Variants in SLC39A11 observed in about 807,000 individuals in gnomAD.
SLC39A11 encodes zinc transporter ZIP11.
In SLC39A11, 33 loss-of-function variants were observed where a neutral mutation model predicts 36.1. The observed-to-expected ratio is 0.91, with a 90% CI of 0.69 to 1.22. SLC39A11 has a LOEUF of 1.22. SLC39A11 is among the 50% of genes most tolerant of loss of function. The pLI, the probability that SLC39A11 is intolerant of heterozygous loss-of-function variation, is 0.00. For missense variants in SLC39A11, 432 were observed against 430.3 expected, an observed-to-expected ratio of 1.00 and a Z score of -0.03; for synonymous variants, 166 against 170.3, an observed-to-expected ratio of 0.97 and a Z score of 0.20.
intron 4 of SLC39A11, among the ~76,000 whole-genome samples, chr17:72,985,407 CTTTTTT>C (rs386386576): frequency 2.5e-5 from 2 of 78,932 alleles, no homozygotes; most frequent in South Asian, 5.9e-4. Flanking sequence ...TGGGGCCTGC[CTTTTTT>C]TTTTTTTTTT....
At chr17:72,813,923 G>A (rs777500335) in intron 6 of SLC39A11, among the ~76,000 whole-genome samples, 7 of 152,172 alleles carry the variant, frequency 4.6e-5, no homozygotes, top group Non-Finnish European at 7.3e-5. Context: ...CACTGACAGC[G>A]CTACTCACTG....
At chr17:73,007,676 A>T (rs2090259949) in intron 4 of SLC39A11, among the ~76,000 whole-genome samples, 1 of 151,990 alleles carries the variant, frequency 6.6e-6, no homozygotes, top group South Asian at 2.1e-4. Flanking sequence ...CAAGCTAAGG[A>T]GGGAGGGAAG....
chr17:72,671,981 T>C (rs1019084516), intron 7 of SLC39A11, among the ~76,000 whole-genome samples: 5 of 152,334 alleles, frequency 3.3e-5, no homozygotes, highest in Middle Eastern at 3.4e-3. Context: ...CAATACTGTA[T>C]TGTAAACTTG....
At position 73,088,736 on chromosome 17, in the gene SLC39A11, T is replaced by G; in HGVS notation, c.29A>C (p.Gln10Pro). The G allele has an allele frequency of 6.2e-7, 1 of 1,610,446 alleles. No homozygotes were observed. Among genetic ancestry groups the G allele is most frequent in the Non-Finnish European group, 8.5e-7 (1 of 1,178,364 alleles). Residue 10 changes from glutamine to proline, a missense_variant, in exon 2 of 10, where the codon CAG (glutamine) becomes CCG (proline). By Grantham distance (76) the Gln-to-Pro change is moderately conservative. Transcript: ENST00000255559. ...GGTGAAGAAGGTCCCCAGCAAGGCC[T>G]GGAACACAGAGCTGTGGCCTTGGAG... MLQGHSSVFQALLGTFFTWG... is the reference protein window; with the variant it reads MLQGHSSVFPALLGTFFTWG...
rs938337519 is a variant in SLC39A11 at position 73,026,753 on chromosome 17, G to C, written c.306+4803C>G. Among the ~76,000 whole-genome samples the C allele has an allele frequency of 6.7e-4, 101 of 151,826 alleles. 1 individual carries two copies. Among genetic ancestry groups the C allele is most frequent in the African/African-American group, 2.2e-3 (93 of 41,416 alleles). On this transcript the variant is annotated intron_variant, in intron 4 of 9. Coordinates refer to ENST00000255559, the MANE Select transcript of SLC39A11 (RefSeq NM_139177.4). Reference sequence around the variant, plus strand: ...CTAAAAATAAAGAATTGACCTTGGGGACACACACACACTACCCTCCTCCCC... The same window carrying C: ...CTAAAAATAAAGAATTGACCTTGGGCACACACACACACTACCCTCCTCCCC...
chr17:72,686,715 T>C (rs993122047), intron 7 of SLC39A11, among the ~76,000 whole-genome samples: 3 of 152,308 alleles, frequency 2.0e-5, no homozygotes, highest in East Asian at 1.9e-4. Context: ...AGGGCATATG[T>C]TCAAGTTTAT....
In SLC39A11 at chr17:72,647,608, C is replaced by T. The variant is rs2069613648; in HGVS notation, c.984G>A (p.Met328Ile). ...WASILGFVVMMSLDVGLG is the reference protein window; with the variant it reads ...WASILGFVVMISLDVGLG The stretch of plus-strand genomic sequence containing the variant: ...CCTAGCCCAGGCCAACGTCCAGTGA[C>T]ATCATCACTACAAATCCCAGGATGG... Residue 328 changes from methionine (M) to isoleucine (I), a missense_variant, in exon 10 of 10, where the codon ATG becomes ATA. By Grantham distance (10) the Met-to-Ile change is conservative. Coordinates refer to ENST00000255559, the MANE Select transcript of SLC39A11 (RefSeq NM_139177.4). 4 of 1,614,020 alleles carry T rather than the reference C, an allele frequency of 2.5e-6. No individual in the cohort carries two copies. Among genetic ancestry groups the T allele is most frequent in the African/African-American group, 1.3e-5 (1 of 75,048 alleles).
intron 4 of SLC39A11, among the ~76,000 whole-genome samples, chr17:73,022,982 C>T (rs1466277961): frequency 6.6e-6 from 1 of 152,172 alleles, no homozygotes; most frequent in African/African-American, 2.4e-5. Flanking sequence ...GCTTTCTCAA[C>T]CCTCCCCAAG....
intron 3 of SLC39A11, among the ~76,000 whole-genome samples, chr17:73,071,783 G>T (rs1201584389): frequency 6.6e-6 from 1 of 152,192 alleles, no homozygotes; most frequent in Non-Finnish European, 1.5e-5. Context: ...GAATGGCTGT[G>T]TTCCAACAAA....
At chr17:72,981,643 T>G (rs2088320748) in intron 4 of SLC39A11, among the ~76,000 whole-genome samples, 1 of 150,744 alleles carries the variant, frequency 6.6e-6, no homozygotes, top group Non-Finnish European at 1.5e-5. Context: ...ATAGGTATTT[T>G]TAATCCTCTT....
intron 7 of SLC39A11, among the ~76,000 whole-genome samples, chr17:72,659,792 G>T (rs1354007072): frequency 6.6e-6 from 1 of 151,770 alleles, no homozygotes; most frequent in Non-Finnish European, 1.5e-5. Flanking sequence ...GTAGAGACAG[G>T]GTTTGACCAT....
intron 4 of SLC39A11, among the ~76,000 whole-genome samples, chr17:72,993,770 C>T (rs1358941207): frequency 6.6e-6 from 1 of 152,064 alleles, no homozygotes; most frequent in East Asian, 1.9e-4. Flanking sequence ...CTTCCTCCTC[C>T]CTCTCTTACT....
chr17:72,686,426 T>C (rs2071752640), intron 7 of SLC39A11, among the ~76,000 whole-genome samples: 1 of 152,232 alleles, frequency 6.6e-6, no homozygotes, highest in African/African-American at 2.4e-5. Context: ...ATCCCACTGC[T>C]GTCCCGCTCC....
At chr17:72,906,232 C>T (rs988370879) in intron 5 of SLC39A11, among the ~76,000 whole-genome samples, 3 of 152,218 alleles carry the variant, frequency 2.0e-5, no homozygotes, top group East Asian at 1.9e-4. Flanking sequence ...AAACTGGCTG[C>T]GGCCAGGTGA....
intron 6 of SLC39A11, among the ~76,000 whole-genome samples, chr17:72,748,356 C>T (rs1325982672): frequency 6.6e-6 from 1 of 152,034 alleles, no homozygotes; most frequent in Non-Finnish European, 1.5e-5. Context: ...AAGTCACATC[C>T]TATTGTTTAT....
intron 5 of SLC39A11, among the ~76,000 whole-genome samples, chr17:72,868,433 C>A (rs2080420282): frequency 6.6e-6 from 1 of 151,770 alleles, no homozygotes; most frequent in African/African-American, 2.4e-5. Context: ...AACATAGATG[C>A]CAACTGCTAG....
chr17:73,064,014 T>C (rs1418558985), intron 3 of SLC39A11, among the ~76,000 whole-genome samples: 1 of 152,150 alleles, frequency 6.6e-6, no homozygotes. Context: ...TCCAGGGCTG[T>C]CTTGGTTGAT....
intron 7 of SLC39A11, among the ~76,000 whole-genome samples, chr17:72,720,154 A>G (rs1266285565): frequency 6.6e-6 from 1 of 152,172 alleles, no homozygotes; most frequent in Non-Finnish European, 1.5e-5. Flanking sequence ...GGGAGGACAC[A>G]GGAGAGAGAA....
intron 5 of SLC39A11, among the ~76,000 whole-genome samples, chr17:72,861,318 A>G (rs185098968): frequency 1.1e-4 from 17 of 152,248 alleles, no homozygotes; most frequent in African/African-American, 3.1e-4. Context: ...AAGATAATAG[A>G]GATTTTCCAT....
Sources: gnomAD v4.1 joint callset for allele counts (sites outside exome capture counted in the v4.1 genomes callset) on GRCh38, gnomAD v4.1.1 for gene constraint, MANE v1.5 for transcripts, NCBI Gene and HGNC (gene_info 2026-07-23, HGNC 2026-07-21) for gene names.